Variants in CREBBP observed in about 807,000 individuals in gnomAD.
CREBBP encodes CREB-binding protein.
A neutral mutation model predicts 265.0 loss-of-function variants in CREBBP; 19 were observed. The observed-to-expected ratio is 0.07, with a 90% CI of 0.05 to 0.11. The LOEUF (loss-of-function observed/expected upper bound fraction) is 0.11, where lower values mean the gene tolerates loss of function less well. Among genes scored for constraint, CREBBP ranks in the 10% least tolerant of loss-of-function variants. CREBBP has a pLI of 1.00. For missense variants in CREBBP, 2,525 were observed against 3,219.0 expected, an observed-to-expected ratio of 0.78 and a Z score of 5.22; for synonymous variants, 1,457 against 1,223.7, an observed-to-expected ratio of 1.19 and a Z score of -3.98.
At chr16:3,780,667 T>C (rs1596915629) in intron 8 of CREBBP, 65 bp downstream of exon 8, 2 of 1,561,152 alleles carry the variant, frequency 1.3e-6, no homozygotes, top group East Asian at 2.2e-5. Flanking sequence ...TACTGTCATC[T>C]GGTAGCCAAT....
intron 26 of CREBBP, among the ~76,000 whole-genome samples, chr16:3,738,307 A>C (rs1797070656): frequency 6.8e-6 from 1 of 147,850 alleles, no homozygotes; most frequent in African/African-American, 2.6e-5. Context: ...CTTTGCCTCA[A>C]TAAAGTTAAA....
At position 3,774,668 on chromosome 16, in the gene CREBBP, G is replaced by A. The variant is rs768809546; in HGVS notation, c.2184C>T (p.Ser728=). 5 of 1,614,076 alleles carry A rather than the reference G, an allele frequency of 3.1e-6. No homozygotes were observed. The African/African-American group carries it at 5.3e-5, about 17-fold the overall frequency. ...SQGMNSFNPM[S]LGNVQLPQAP... is the part of the protein sequence containing the mutation. ...CTTGTGGCAACTGGACGTTCCCCAAGGACATGGGGTTAAATGAATTCATCC... is the reference window on the plus strand; with the variant it reads ...CTTGTGGCAACTGGACGTTCCCCAAAGACATGGGGTTAAATGAATTCATCC... Residue 728 remains serine, a synonymous_variant, in exon 12 of 31, where the codon TCC becomes TCT. Coordinates refer to ENST00000262367, the MANE Select transcript of CREBBP (RefSeq NM_004380.3).
intron 1 of CREBBP, among the ~76,000 whole-genome samples, chr16:3,865,255 A>G (rs922165424): frequency 3.3e-5 from 5 of 152,230 alleles, no homozygotes; most frequent in Admixed American, 2.0e-4. Context: ...GCCTGTCCGC[A>G]TAACTTTACA....
In CREBBP at chr16:3,731,590, C is replaced by G. The variant is rs1291335846; in HGVS notation, c.4891-117G>C. 2 of 1,431,878 alleles carry G rather than the reference C, an allele frequency of 1.4e-6. No homozygotes were observed. The highest frequency in any genetic ancestry group is 2.8e-5 in the African/African-American group (2 of 71,224). The allele number at this position is 1,431,878 out of a possible 1,614,324, so 88.7% of individuals were successfully genotyped here. ...TAGGCAGGTGGCTGAGCCTGATGGCCCTGATGCCTTGGGATGGAACAAAAT... is the reference window on the plus strand; with the variant it reads ...TAGGCAGGTGGCTGAGCCTGATGGCGCTGATGCCTTGGGATGGAACAAAAT... On this transcript the variant is annotated intron_variant, in intron 29 of 30. Transcript: ENST00000262367. This position sits in a 1 kb window ranked among gnomAD's most constrained non-coding sequence, Gnocchi z 7.7.
rs2141233431 is a variant in CREBBP at position 3,778,078 on chromosome 16, C to G, written c.2046G>C (p.Gln682His). 1 of 1,614,248 alleles carries G rather than the reference C, an allele frequency of 6.2e-7. No homozygotes were observed. The highest frequency in any genetic ancestry group is 8.5e-7 in the Non-Finnish European group (1 of 1,180,042). The change falls in exon 10 of 31, where the codon CAG becomes CAC. Residue 682 changes from glutamine (Q) to histidine (H), a missense_variant. Around this residue, in one of 19 missense-constraint regions of CREBBP, gnomAD observed 548 missense variants for 533.0 expected, o/e 1.03. Coordinates refer to ENST00000262367, the MANE Select transcript of CREBBP (RefSeq NM_004380.3). Reference protein sequence around the residue: ...RLHKQGILGNQPALPAPGAQP... With the variant: ...RLHKQGILGNHPALPAPGAQP... ...GAGCCCCCGGGGCTGGTAAGGCTGG[C>G]TGGTTCCCCAAGATGCCTTGTTTAT...
intron 2 of CREBBP, among the ~76,000 whole-genome samples, chr16:3,831,759 G>C (rs2054347198): frequency 6.6e-6 from 1 of 152,204 alleles, no homozygotes; most frequent in African/African-American, 2.4e-5. Flanking sequence ...CACTTTGGGA[G>C]GCTGAGGCAG....
intron 16 of CREBBP, 109 bp from the exon 17 acceptor site, chr16:3,759,081 C>A: frequency 1.2e-6 from 1 of 859,220 alleles, no homozygotes; most frequent in South Asian, 1.3e-5. Flanking sequence ...CCACGATGCT[C>A]CTAAGGCACT....
intron 2 of CREBBP, among the ~76,000 whole-genome samples, chr16:3,818,340 T>A (rs1364747230): frequency 7.4e-6 from 1 of 135,810 alleles, no homozygotes; most frequent in Non-Finnish European, 1.6e-5. Context: ...GGAGTCTCAC[T>A]CTTGTTGCCC....
intron 1 of CREBBP, among the ~76,000 whole-genome samples, chr16:3,867,556 T>C (rs2055201173): frequency 6.6e-6 from 1 of 152,064 alleles, no homozygotes; most frequent in Non-Finnish European, 1.5e-5. Context: ...ATTAAAATTG[T>C]TTTGTGTTAT....
intron 2 of CREBBP, among the ~76,000 whole-genome samples, chr16:3,829,737 TCAA>T (rs2054305224): frequency 6.6e-6 from 1 of 152,192 alleles, no homozygotes; most frequent in Non-Finnish European, 1.5e-5. Context: ...AAACCCATAT[TCAA>T]CAACATTATC....
chr16:3,766,416 C>T (rs888922378), intron 16 of CREBBP, among the ~76,000 whole-genome samples: 3 of 152,154 alleles, frequency 2.0e-5, no homozygotes, highest in Non-Finnish European at 4.4e-5. Flanking sequence ...CCCTTAATAA[C>T]GCCACTATTC....
intron 2 of CREBBP, among the ~76,000 whole-genome samples, chr16:3,835,249 A>T (rs1555493567): frequency 6.6e-6 from 1 of 151,964 alleles, no homozygotes; most frequent in Non-Finnish European, 1.5e-5. Flanking sequence ...AGACTAGAAC[A>T]AAGGTACAGG....
Position 3,728,225 on chromosome 16 carries a change from C to T in CREBBP, c.6822G>A (p.Met2274Ile), listed in dbSNP as rs2151301231. 6.2e-7 allele frequency: 1 copy of T among 1,613,486 alleles called. No individual in the cohort carries two copies. Residue 2274 changes from methionine (M) to isoleucine (I), a missense_variant, in exon 31 of 31, where the codon ATG becomes ATA. This residue lies in a region of CREBBP where 473 missense variants were observed against 459.3 expected (regional missense o/e 1.03). Transcript: ENST00000262367. The surrounding 1 kb of genome is among the most constrained non-coding windows in gnomAD (Gnocchi z 8.7). ...MAAQMGQLGQ[M>I]GQPGLGADST... ...TGTCTGCCCCCAGCCCCGGCTGCCC[C>T]ATCTGGCCAAGCTGTCCCATCTGAG...
intron 3 of CREBBP, among the ~76,000 whole-genome samples, chr16:3,800,348 G>A (rs531687961): frequency 2.0e-5 from 3 of 152,174 alleles, no homozygotes; most frequent in South Asian, 4.2e-4. Context: ...TGAACTCCTG[G>A]GCAGAAGCAA....
At position 3,725,606 on chromosome 16, in the gene CREBBP, G is replaced by A. The variant is rs1254786466; in HGVS notation, c.*2112C>T. The stretch of plus-strand genomic sequence containing the variant: ...CTTCCCCTCCTGGGATGGGGTGAAT[G>A]GGGGCTGGTCAGGGGTGCCAGATGG... On this transcript the variant is annotated 3_prime_UTR_variant, in exon 31 of 31. Transcript: ENST00000262367. 1 of 233,220 alleles carries A rather than the reference G, an allele frequency of 4.3e-6. No homozygotes were observed. Among genetic ancestry groups the A allele is most frequent in the Middle Eastern group, 1.2e-3 (1 of 808 alleles). The allele number at this position is 233,220 out of a possible 1,614,324, so 14.4% of individuals were successfully genotyped here.
intron 21 of CREBBP, among the ~76,000 whole-genome samples, chr16:3,748,276 CA>C (rs1214858965): frequency 5.4e-5 from 8 of 147,558 alleles, no homozygotes; most frequent in Non-Finnish European, 8.9e-5. Context: ...AGACTTGTCT[CA>C]GGGGGAAAAA....
intron 3 of CREBBP, among the ~76,000 whole-genome samples, chr16:3,795,374 GT>G (rs971994987): frequency 7.2e-5 from 11 of 152,192 alleles, no homozygotes; most frequent in South Asian, 2.1e-4. Context: ...GCGTTGATAG[GT>G]TTTTTTCCCT....
At chr16:3,811,571 A>G (rs1720571179) in intron 2 of CREBBP, among the ~76,000 whole-genome samples, 1 of 152,186 alleles carries the variant, frequency 6.6e-6, no homozygotes, top group Non-Finnish European at 1.5e-5. Flanking sequence ...GCTCACTGCC[A>G]ACCTCTACCG....
At chr16:3,775,031 T>A (rs575243415) in intron 11 of CREBBP, among the ~76,000 whole-genome samples, 1 of 152,186 alleles carries the variant, frequency 6.6e-6, no homozygotes, top group Admixed American at 6.5e-5. Context: ...CAAAGTGTCA[T>A]AGCAACAAAG....
Sources: allele counts gnomAD v4.1 joint callset (sites outside exome capture counted in the v4.1 genomes callset), GRCh38; gene constraint gnomAD v4.1.1; regional missense constraint gnomAD v4.1.1; non-coding constraint Gnocchi (gnomAD v3.1); transcripts MANE v1.5; gene names NCBI Gene and HGNC (gene_info 2026-07-23, HGNC 2026-07-21).